HDAC9: variants seen among roughly 807,000 people sequenced by gnomAD.
The protein encoded by HDAC9 is MEF-2 interacting transcription repressor (MITR) protein.
A neutral mutation model predicts 139.4 loss-of-function variants in HDAC9; 41 were observed. That is an observed-to-expected ratio of 0.29 (90% CI 0.23 to 0.38). HDAC9 has a LOEUF of 0.38. Among genes scored for constraint, HDAC9 ranks in the 10% least tolerant of loss-of-function variants. The probability of loss-of-function intolerance (pLI) is 1.00; values close to 1 mark genes in which losing one functional copy is unlikely to be tolerated. For missense variants in HDAC9, 1,147 were observed against 1,297.0 expected (o/e 0.88, Z 1.78); for synonymous variants, 517 against 476.2 (o/e 1.09, Z -1.12).
intron 21 of HDAC9, among the ~76,000 whole-genome samples, chr7:18,852,091 A>G (rs1465210459): frequency 1.3e-5 from 2 of 152,140 alleles, no homozygotes; most frequent in African/African-American, 2.4e-5. Context: ...CAGTGTCTCA[A>G]TTTAGCCTTT....
chr7:18,933,433 G>A (rs1781402159), intron 22 of HDAC9, among the ~76,000 whole-genome samples: 1 of 152,038 alleles, frequency 6.6e-6, no homozygotes, highest in Non-Finnish European at 1.5e-5. Context: ...GGTCCCTTTT[G>A]TAAGGGTACT....
chr7:18,650,671 T>C (rs942868944), intron 11 of HDAC9, among the ~76,000 whole-genome samples: 3 of 152,200 alleles, frequency 2.0e-5, no homozygotes, highest in Non-Finnish European at 2.9e-5. Context: ...CCTTTTCCCA[T>C]GTGGAGCTGA....
chr7:18,464,841 C>A lies in HDAC9; in HGVS notation c.-41-31421C>A, dbSNP rs111545924. Among the ~76,000 whole-genome samples, 1,170 of 152,058 alleles carry A rather than the reference C, an allele frequency of 7.7e-3. 15 individuals carry two copies. The highest frequency in any genetic ancestry group is 0.027 in the African/African-American group (1,108 of 41,536). On this transcript the variant is annotated intron_variant, in intron 1 of 3. Transcript: ENST00000413509. ...GTGAGTTCTGGACTTCAATTTATGT[C>A]CTCTAAGATTTAGTAGATTGTCAAA...
chr7:18,658,237 G>A (rs1422865210), intron 11 of HDAC9, among the ~76,000 whole-genome samples: 2 of 152,030 alleles, frequency 1.3e-5, no homozygotes, highest in Non-Finnish European at 2.9e-5. Flanking sequence ...TTGCTTGATT[G>A]ACCTTTCTTT....
At chr7:18,575,817 C>G (rs927109029) in intron 2 of HDAC9, among the ~76,000 whole-genome samples, 3 of 152,156 alleles carry the variant, frequency 2.0e-5, no homozygotes, top group Admixed American at 1.3e-4. Flanking sequence ...ATTTTATTCC[C>G]ATAATCTTGT....
At chr7:18,602,832 C>G (rs1444565707) in intron 6 of HDAC9, among the ~76,000 whole-genome samples, 2 of 152,028 alleles carry the variant, frequency 1.3e-5, no homozygotes, top group Non-Finnish European at 2.9e-5. Flanking sequence ...TGTACACATT[C>G]TGTTCCTTTA....
intron 1 of HDAC9, among the ~76,000 whole-genome samples, chr7:18,413,833 T>C (rs999017411): frequency 2.0e-5 from 3 of 152,148 alleles, no homozygotes; most frequent in Non-Finnish European, 4.4e-5. Flanking sequence ...ATATTTAGCA[T>C]TTGGGCATTA....
intron 17 of HDAC9, among the ~76,000 whole-genome samples, chr7:18,796,525 G>T (rs1204141130): frequency 6.6e-6 from 1 of 152,194 alleles, no homozygotes; most frequent in African/African-American, 2.4e-5. Context: ...GTGGAGCTCA[G>T]TGAAAATCAT....
intron 11 of HDAC9, among the ~76,000 whole-genome samples, chr7:18,656,702 A>T (rs1791313931): frequency 6.6e-6 from 1 of 152,170 alleles, no homozygotes. Context: ...CAGTATTTAT[A>T]TTCTTCCAAA....
upstream of HDAC9, among the ~76,000 whole-genome samples, chr7:18,491,837 T>G (rs1028238988): frequency 1.3e-5 from 2 of 151,848 alleles, no homozygotes; most frequent in Admixed American, 1.3e-4. Context: ...CTGCTAACAT[T>G]GAGGGGAGAT....
intron 2 of HDAC9, among the ~76,000 whole-genome samples, chr7:18,527,657 G>A (rs801767): frequency 0.96 from 145,531 of 152,264 alleles, 69,539 homozygotes; most frequent in East Asian, 1. Context: ...TTTTTACAGA[G>A]GATGTTTGAT....
intron 17 of HDAC9, among the ~76,000 whole-genome samples, chr7:18,804,339 A>C (rs1449536864): frequency 6.6e-6 from 1 of 152,218 alleles, no homozygotes; most frequent in Admixed American, 6.5e-5. Context: ...GAGATAGTCA[A>C]GTGCTACATG....
intron 2 of HDAC9, among the ~76,000 whole-genome samples, chr7:18,232,685 A>G (rs555837758): frequency 9.7e-4 from 148 of 152,340 alleles, no homozygotes; most frequent in African/African-American, 3.4e-3. Flanking sequence ...AAAATATAGC[A>G]TATTACACAA....
intron 2 of HDAC9, among the ~76,000 whole-genome samples, chr7:18,273,894 G>A (rs6973137): frequency 0.39 from 58,942 of 152,028 alleles, 12,957 homozygotes; most frequent in Admixed American, 0.52. Flanking sequence ...ACAATTTTAC[G>A]CATCTATCAT....
intron 8 of HDAC9, among the ~76,000 whole-genome samples, chr7:18,643,449 G>A (rs1249028105): frequency 1.3e-5 from 2 of 152,072 alleles, no homozygotes; most frequent in Non-Finnish European, 2.9e-5. Context: ...AAGTTGCAAT[G>A]AGAAAACTCC....
At chr7:18,180,014 G>A (rs1298489904) in intron 2 of HDAC9, among the ~76,000 whole-genome samples, 1 of 151,992 alleles carries the variant, frequency 6.6e-6, no homozygotes, top group Admixed American at 6.6e-5. Flanking sequence ...TCATCTCCCA[G>A]CTCTGTCACA....
chr7:18,966,009 G>T (rs1193859861), intron 24 of HDAC9, among the ~76,000 whole-genome samples: 1 of 152,152 alleles, frequency 6.6e-6, no homozygotes, highest in Non-Finnish European at 1.5e-5. Flanking sequence ...GTTTGTTTCA[G>T]ATTTTTCATT....
chr7:18,622,126 G>A (rs1469466006), intron 6 of HDAC9, among the ~76,000 whole-genome samples: 1 of 152,162 alleles, frequency 6.6e-6, no homozygotes, highest in Non-Finnish European at 1.5e-5. Flanking sequence ...GAGATAGCAG[G>A]AGAAACCCAG....
intron 2 of HDAC9, among the ~76,000 whole-genome samples, chr7:18,580,801 G>C (rs1332938526): frequency 6.6e-6 from 1 of 152,114 alleles, no homozygotes; most frequent in Non-Finnish European, 1.5e-5. Flanking sequence ...TTCTAATTAT[G>C]ATAATATGGC....
Sources: gnomAD v4.1 joint callset for allele counts (sites outside exome capture counted in the v4.1 genomes callset) on GRCh38, gnomAD v4.1.1 for gene constraint, MANE v1.5 for transcripts, NCBI Gene and HGNC (gene_info 2026-07-23, HGNC 2026-07-21) for gene names.